The following PFKFB1 variants were observed in gnomAD, a reference collection of about 807,000 sequenced individuals.
PFKFB1 encodes the protein 6-phosphofructo-2-kinase/fructose-2,6-biphosphatase 1, also known as 6-phosphofructo-2-kinase/fructose-2,6-bisphosphatase 1.
A neutral mutation model predicts 46.4 loss-of-function variants in PFKFB1; 34 were observed. The observed-to-expected ratio is 0.73, with a 90% confidence interval of 0.56 to 0.98. The LOEUF (loss-of-function observed/expected upper bound fraction) is 0.98, where lower values mean the gene tolerates loss of function less well. Ranked by LOEUF, PFKFB1 falls within the 50% of genes least tolerant of loss-of-function variation. The pLI is 0.00. For synonymous variants in PFKFB1, 119 were observed against 133.8 expected (o/e 0.89, Z 0.76); for missense variants, 393 against 376.3 (o/e 1.04, Z -0.37).
intron 10 of PFKFB1, among the ~76,000 whole-genome samples, chrX:54,939,531 A>C (rs886189925): frequency 1.8e-5 from 2 of 112,050 alleles, no homozygotes; most frequent in Non-Finnish European, 3.8e-5. Context: ...TAAGAATCAA[A>C]TAGATGCAAT....
At chrX:54,964,860 T>C (rs990639933) in intron 1 of PFKFB1, among the ~76,000 whole-genome samples, 4 of 111,113 alleles carry the variant, frequency 3.6e-5, no homozygotes, top group Non-Finnish European at 5.7e-5. Flanking sequence ...AAGAATCAAA[T>C]ATAAATGGGA....
intron 1 of PFKFB1, among the ~76,000 whole-genome samples, chrX:54,972,264 T>C (rs1324267743): frequency 9.1e-6 from 1 of 110,489 alleles, no homozygotes; most frequent in Non-Finnish European, 1.9e-5. Context: ...TTTCTAGATA[T>C]ACAATCATGT....
intron 10 of PFKFB1, among the ~76,000 whole-genome samples, chrX:54,939,128 T>A (rs1185002204): frequency 8.9e-6 from 1 of 111,772 alleles, no homozygotes; most frequent in Non-Finnish European, 1.9e-5. Context: ...CTGAACAACC[T>A]GCTCCTGAAT....
intron 11 of PFKFB1, 151 bp from the exon 12 acceptor site, chrX:54,935,160 G>T: frequency 2.0e-6 from 1 of 489,879 alleles, no homozygotes; most frequent in Non-Finnish European, 3.7e-6. Context: ...CCCTGCAGGG[G>T]CAGCACTGAG....
chrX:54,954,843 A>G (rs1020555202), intron 7 of PFKFB1, among the ~76,000 whole-genome samples: 1 of 112,295 alleles, frequency 8.9e-6, no homozygotes. Context: ...TGGAGAAATG[A>G]TGACATAAAG....
At chrX:54,940,591 C>T (rs1460563981) in intron 10 of PFKFB1, among the ~76,000 whole-genome samples, 2 of 111,614 alleles carry the variant, frequency 1.8e-5, no homozygotes, top group Non-Finnish European at 3.8e-5. Flanking sequence ...ATTCTTTACA[C>T]CAAAAACAGA....
chrX:54,933,545 A>G, intron 13 of PFKFB1, 83 bp from the exon 14 acceptor site: 2 of 804,266 alleles, frequency 2.5e-6, no homozygotes, highest in Middle Eastern at 4.1e-4. Flanking sequence ...CTTCATTGCC[A>G]GGCTCCCCTC....
At chrX:54,957,259 C>T (rs1248329536) in intron 6 of PFKFB1, among the ~76,000 whole-genome samples, 1 of 111,652 alleles carries the variant, frequency 9.0e-6, no homozygotes, top group Non-Finnish European at 1.9e-5. Context: ...ATGTGTTCTT[C>T]AAGGTACCAT....
At chrX:54,957,751 A>G (rs930219628) in intron 6 of PFKFB1, among the ~76,000 whole-genome samples, 1 of 111,441 alleles carries the variant, frequency 9.0e-6, no homozygotes, top group African/African-American at 3.3e-5. Flanking sequence ...GGAGGGTAGA[A>G]GAAAATTACC....
chrX:54,987,583 T>G (rs1935139723), intron 1 of PFKFB1, among the ~76,000 whole-genome samples: 1 of 110,914 alleles, frequency 9.0e-6, no homozygotes, highest in Non-Finnish European at 1.9e-5. Context: ...AGGATTTATA[T>G]GTATACATTA....
At chrX:54,961,852 C>T (rs1027371018) in intron 2 of PFKFB1, among the ~76,000 whole-genome samples, 4 of 111,572 alleles carry the variant, frequency 3.6e-5, no homozygotes, top group East Asian at 2.8e-4. Context: ...ATATGGGCAG[C>T]GGGAGTCAGG....
At chrX:54,958,434 CT>C in intron 5 of PFKFB1, 72 bp from the exon 6 acceptor site, 2 of 635,817 alleles carry the variant, frequency 3.1e-6, no homozygotes, top group South Asian at 5.1e-5. Flanking sequence ...AGCTTTACTC[CT>C]TTTCAATGGC....
intron 11 of PFKFB1, among the ~76,000 whole-genome samples, chrX:54,937,174 G>C (rs1933431768): frequency 8.9e-6 from 1 of 111,837 alleles, no homozygotes; most frequent in Non-Finnish European, 1.9e-5. Flanking sequence ...ATGAAGCTAT[G>C]AAAGGCCCTA....
At chrX:54,950,629 G>A (rs763121241) in intron 8 of PFKFB1, among the ~76,000 whole-genome samples, 1 of 112,632 alleles carries the variant, frequency 8.9e-6, no homozygotes, top group East Asian at 2.8e-4. Context: ...TGTGTGGGCA[G>A]GGCCGGGCTG....
rs1933274042 is a variant in PFKFB1 at position 54,933,170 on chromosome X, G to A, written c.*233C>T. 4.8e-6 allele frequency: 2 copies of A among 415,401 alleles called. No homozygotes were observed. The highest frequency in any genetic ancestry group is 8.0e-5 in the East Asian group (2 of 25,137). The allele number at this position is 415,401 out of a possible 1,213,427, so 34.2% of individuals were successfully genotyped here. A position where few individuals can be genotyped will look rare whatever the true frequency, so the allele number is the denominator to read the frequency against. On this transcript the variant is annotated 3_prime_UTR_variant, in exon 14 of 14. Transcript: ENST00000375006. ...ACCTCCTCCTCTCCTCTTGTAGGCA[G>A]TAAGTCTTTATTCGTCAGAGAATAG...
rs1344685999 is a variant in PFKFB1, at chrX:54,994,171, C to T, written c.-164G>A. ...GCCCTCTCAAAGTCTGTCTTCAGTC[C>T]CCTCTCTTCTTTCCTCTGGTCCTAG... On this transcript the variant is annotated 5_prime_UTR_variant, in exon 1 of 14. Coordinates refer to ENST00000375006, the MANE Select transcript of PFKFB1 (RefSeq NM_002625.4). The T allele has an allele frequency of 7.4e-6, 8 of 1,074,157 alleles. No individual in the cohort carries two copies. The highest frequency in any genetic ancestry group is 9.6e-6 in the Non-Finnish European group (8 of 832,982). 88.5% of individuals were successfully genotyped at this position (1,074,157 alleles called of 1,213,427 possible). A position where few individuals can be genotyped will look rare whatever the true frequency, so the allele number is the denominator to read the frequency against.
intron 8 of PFKFB1, among the ~76,000 whole-genome samples, chrX:54,949,424 CAGAG>C (rs3028350): frequency 0.044 from 4,142 of 93,439 alleles, 218 homozygotes; most frequent in African/African-American, 0.14. Flanking sequence ...AAGAGCATGA[CAGAG>C]AGAGAGAGAG....
At chrX:54,934,376 C>T (rs1216856066) in intron 12 of PFKFB1, among the ~76,000 whole-genome samples, 1 of 111,429 alleles carries the variant, frequency 9.0e-6, no homozygotes, top group African/African-American at 3.3e-5. Context: ...TGGAAGTTCA[C>T]CTGGGAGTTT....
intron 1 of PFKFB1, among the ~76,000 whole-genome samples, chrX:54,969,516 T>A (rs1934578949): frequency 8.9e-6 from 1 of 111,946 alleles, no homozygotes; most frequent in Non-Finnish European, 1.9e-5. Flanking sequence ...GGTATTCTGT[T>A]TTAGCAGCAC....
Sources: allele counts gnomAD v4.1 joint callset (sites outside exome capture counted in the v4.1 genomes callset), GRCh38; gene constraint gnomAD v4.1.1; transcripts MANE v1.5; gene names NCBI Gene and HGNC (gene_info 2026-07-23, HGNC 2026-07-21).